The following PKD1L1 variants were observed in gnomAD, a reference collection of about 807,000 sequenced individuals.
The protein encoded by PKD1L1 is polycystin-1-like protein 1.
A neutral mutation model predicts 323.4 loss-of-function variants in PKD1L1; 236 were observed. The observed-to-expected ratio is 0.73, with a 90% CI of 0.66 to 0.81. PKD1L1 has a LOEUF of 0.81. Among genes scored for constraint, PKD1L1 ranks in the 40% least tolerant of loss-of-function variants. The pLI is 0.00. For synonymous variants in PKD1L1, 1,344 were observed against 1,335.0 expected, an observed-to-expected ratio of 1.01 and a Z score of -0.15; for missense variants, 3,320 against 3,508.0, an observed-to-expected ratio of 0.95 and a Z score of 1.35.
intron 46 of PKD1L1, chr7:47,819,641 C>CAT: frequency 1.9e-6 from 2 of 1,066,608 alleles, no homozygotes; most frequent in Non-Finnish European, 2.6e-6. Flanking sequence ...CAATGCTCAG[C>CAT]AGAAAAAAAA....
intron 1 of PKD1L1, among the ~76,000 whole-genome samples, chr7:47,947,585 A>G (rs1469173248): frequency 1.3e-5 from 2 of 152,238 alleles, no homozygotes; most frequent in Admixed American, 1.3e-4. Flanking sequence ...CTGCCATGAG[A>G]CAGTCAACAG....
At chr7:47,881,795 C>T in intron 20 of PKD1L1, 114 bp downstream of exon 20, 1 of 1,024,590 alleles carries the variant, frequency 9.8e-7, no homozygotes, top group South Asian at 1.8e-5. Context: ...AGAAAAGGTA[C>T]CACAATTCTA....
At chr7:47,923,030 AC>A (rs992690294) in intron 7 of PKD1L1, among the ~76,000 whole-genome samples, 8 of 152,030 alleles carry the variant, frequency 5.3e-5, no homozygotes, top group Admixed American at 6.6e-5. Flanking sequence ...CCATAACCTT[AC>A]CCCCAACCCC....
intron 56 of PKD1L1, among the ~76,000 whole-genome samples, chr7:47,787,254 G>T (rs1014823816): frequency 1.6e-4 from 24 of 151,932 alleles, no homozygotes; most frequent in African/African-American, 5.6e-4. Flanking sequence ...AGTTCTGCAG[G>T]CAGAAACCCA....
chr7:47,857,870 A>G (rs747928043), intron 27 of PKD1L1, 38 bp from the exon 28 acceptor site: 1 of 1,572,818 alleles, frequency 6.4e-7, no homozygotes, highest in Non-Finnish European at 8.7e-7. Flanking sequence ...TGTTTATAAC[A>G]CAAATGCACA....
At chr7:47,847,125 T>C in intron 31 of PKD1L1, 54 bp from the exon 32 acceptor site, 1 of 1,409,538 alleles carries the variant, frequency 7.1e-7, no homozygotes, top group South Asian at 1.6e-5. Flanking sequence ...CAGAAAGGCA[T>C]TCTCCATTTC....
intron 1 of PKD1L1, among the ~76,000 whole-genome samples, chr7:47,945,081 T>C (rs1788068142): frequency 6.6e-6 from 1 of 152,222 alleles, no homozygotes; most frequent in South Asian, 2.1e-4. Context: ...CTTGCCTCTC[T>C]GTGTCAGTCT....
At chr7:47,866,253 A>G (rs1000371960) in intron 25 of PKD1L1, among the ~76,000 whole-genome samples, 166 bp downstream of exon 25, 1 of 152,228 alleles carries the variant, frequency 6.6e-6, no homozygotes, top group African/African-American at 2.4e-5. Context: ...TGAGCTGAAT[A>G]GAGAGACCAC....
At chr7:47,875,612 A>G (rs1221353434) in intron 23 of PKD1L1, among the ~76,000 whole-genome samples, 1 of 152,198 alleles carries the variant, frequency 6.6e-6, no homozygotes, top group East Asian at 1.9e-4. Flanking sequence ...AAGTAACCAC[A>G]ACCTCAGGAA....
chr7:47,928,213 T>G (rs1280615824), intron 7 of PKD1L1, among the ~76,000 whole-genome samples: 1 of 152,222 alleles, frequency 6.6e-6, no homozygotes, highest in Non-Finnish European at 1.5e-5. Context: ...ACTATATAAC[T>G]TTCTAGAATG....
At chr7:47,956,191 G>A in the PKD1L1 span, among the ~76,000 whole-genome samples, 1 of 152,264 alleles carries the variant, frequency 6.6e-6, no homozygotes, top group African/African-American at 2.4e-5. Flanking sequence ...GAATGGTTCT[G>A]TTTGATCATA....
At chr7:47,865,175 T>C (rs1421886653) in intron 26 of PKD1L1, 41 bp downstream of exon 26, 1 of 1,497,240 alleles carries the variant, frequency 6.7e-7, no homozygotes, top group South Asian at 1.2e-5. Context: ...CTCAAAACTA[T>C]ATAAAATAGG....
chr7:47,837,132 A>G (rs2128736954), intron 36 of PKD1L1, 38 bp from the exon 37 acceptor site: 1 of 1,606,552 alleles, frequency 6.2e-7, no homozygotes, highest in Non-Finnish European at 8.5e-7. Flanking sequence ...CCTGACATGG[A>G]GCATTTCTGT....
At chr7:47,818,039 T>C (rs747400559) in intron 46 of PKD1L1, 1 of 1,367,242 alleles carries the variant, frequency 7.3e-7, no homozygotes, top group Non-Finnish European at 9.8e-7. Flanking sequence ...TTTTATTGGG[T>C]GCTGGTTCTT....
chr7:47,808,920 C>G (rs948790912), intron 51 of PKD1L1, among the ~76,000 whole-genome samples: 1 of 152,158 alleles, frequency 6.6e-6, no homozygotes. Context: ...TTTGTAAACA[C>G]GTTTTTCTTT....
At chr7:47,893,763 A>T in intron 15 of PKD1L1, 115 bp downstream of exon 15, 1 of 1,116,418 alleles carries the variant, frequency 9.0e-7, no homozygotes, top group Non-Finnish European at 1.3e-6. Context: ...AAACTTAACG[A>T]AAGTTGATGT....
At chr7:47,903,858 C>T (rs75701721) in intron 12 of PKD1L1, among the ~76,000 whole-genome samples, 2,139 of 152,272 alleles carry the variant, frequency 0.014, 43 homozygotes, top group African/African-American at 0.049. Context: ...CATATCTCCA[C>T]GATGCTTTGT....
chr7:47,833,663 G>A (rs1028915002), intron 40 of PKD1L1, among the ~76,000 whole-genome samples: 18 of 152,168 alleles, frequency 1.2e-4, no homozygotes, highest in Non-Finnish European at 2.2e-4. Flanking sequence ...GCAGCGGATC[G>A]AGAGTACCAC....
chr7:47,800,413 G>A (rs1042430748), intron 54 of PKD1L1, among the ~76,000 whole-genome samples: 2 of 152,168 alleles, frequency 1.3e-5, no homozygotes, highest in Non-Finnish European at 2.9e-5. Flanking sequence ...CCTGGAGGAA[G>A]TGGCACCCTG....
Sources: allele counts gnomAD v4.1 joint callset (sites outside exome capture counted in the v4.1 genomes callset), GRCh38; gene constraint gnomAD v4.1.1; transcripts MANE v1.5; gene names NCBI Gene and HGNC (gene_info 2026-07-23, HGNC 2026-07-21).